The following EHBP1 variants were observed in gnomAD, a reference collection of about 807,000 sequenced individuals.
EHBP1 encodes the protein EH domain-binding protein 1.
In EHBP1, 55 loss-of-function variants were observed where a neutral mutation model predicts 144.0. The ratio of observed to expected loss-of-function variants is 0.38; its 90% confidence interval spans 0.31 to 0.48. The LOEUF (loss-of-function observed/expected upper bound fraction) is 0.48. Among genes scored for constraint, EHBP1 ranks in the 20% least tolerant of loss-of-function variants. The pLI, the probability that EHBP1 is intolerant of heterozygous loss-of-function variation, is 0.98. For synonymous variants in EHBP1, 469 were observed against 472.7 expected (o/e 0.99, Z 0.10); for missense variants, 1,200 against 1,364.2 (o/e 0.88, Z 1.90).
At chr2:62,945,686 G>C (rs2057021065) in intron 12 of EHBP1, among the ~76,000 whole-genome samples, 1 of 152,140 alleles carries the variant, frequency 6.6e-6, no homozygotes, top group African/African-American at 2.4e-5. Context: ...GGAGCCCGAG[G>C]CTGCAGTGAG....
chr2:62,738,148 T>A (rs2038339485), intron 2 of EHBP1, among the ~76,000 whole-genome samples: 1 of 152,176 alleles, frequency 6.6e-6, no homozygotes, highest in Non-Finnish European at 1.5e-5. Context: ...GTTCTTTTAC[T>A]ATTTTGATTG....
chr2:62,800,719 A>G (rs1181203950), intron 5 of EHBP1, among the ~76,000 whole-genome samples: 1 of 152,224 alleles, frequency 6.6e-6, no homozygotes. Flanking sequence ...AGAAATGACC[A>G]TATCCTGCCA....
At chr2:63,025,011 T>G (rs2060914611) in intron 19 of EHBP1, among the ~76,000 whole-genome samples, 1 of 151,536 alleles carries the variant, frequency 6.6e-6, no homozygotes, top group African/African-American at 2.4e-5. Flanking sequence ...AAAAAAAAAG[T>G]AGAATGCCAT....
intron 5 of EHBP1, among the ~76,000 whole-genome samples, chr2:62,786,960 C>T (rs183733817): frequency 1.2e-4 from 18 of 152,318 alleles, no homozygotes; most frequent in African/African-American, 3.4e-4. Context: ...ACTGAAAATA[C>T]GTTCTCACTT....
chr2:62,783,468 A>G lies in EHBP1; in HGVS notation c.312+12076A>G, dbSNP rs533342035. 2.0e-4 allele frequency among the ~76,000 whole-genome samples: 30 copies of G among 152,330 alleles called. 1 individual carries two copies. The highest frequency in any genetic ancestry group is 5.1e-4 in the African/African-American group (21 of 41,570). ...GGCTCTGCCCCTGCAGCAAACTTCT[A>G]TCTGGACATCCAGGCCTTTGTATAC... On this transcript the variant is annotated intron_variant, in intron 5 of 22. Transcript: ENST00000431489.
intron 7 of EHBP1, among the ~76,000 whole-genome samples, chr2:62,847,866 A>G (rs570103007): frequency 1.3e-5 from 2 of 152,258 alleles, no homozygotes; most frequent in East Asian, 3.9e-4. Flanking sequence ...GTTCACAAAG[A>G]TCTATCACTA....
At chr2:62,834,903 T>TG (rs1307751699) in intron 7 of EHBP1, among the ~76,000 whole-genome samples, 1 of 152,242 alleles carries the variant, frequency 6.6e-6, no homozygotes, top group East Asian at 1.9e-4. Context: ...ACAGGGTTCC[T>TG]GGAAGCAATC....
intron 10 of EHBP1, among the ~76,000 whole-genome samples, chr2:62,941,236 G>T (rs942098703): frequency 3.9e-5 from 6 of 152,026 alleles, no homozygotes; most frequent in Non-Finnish European, 8.8e-5. Flanking sequence ...GGATTTGAAG[G>T]TCACAGTGGA....
intron 9 of EHBP1, among the ~76,000 whole-genome samples, chr2:62,872,595 T>C (rs928281876): frequency 2.0e-5 from 3 of 152,150 alleles, no homozygotes; most frequent in African/African-American, 4.8e-5. Context: ...AAAAAATTGA[T>C]ATATGCTTCA....
intron 2 of EHBP1, among the ~76,000 whole-genome samples, chr2:62,710,145 G>C (rs1197871105): frequency 6.6e-6 from 1 of 152,020 alleles, no homozygotes; most frequent in Non-Finnish European, 1.5e-5. Flanking sequence ...ATCATCTGTA[G>C]GCTTTTAGAT....
intron 5 of EHBP1, among the ~76,000 whole-genome samples, chr2:62,814,710 C>G (rs2045312529): frequency 6.6e-6 from 1 of 152,176 alleles, no homozygotes; most frequent in Non-Finnish European, 1.5e-5. Flanking sequence ...AGCTTCTAAA[C>G]AGACAAAACA....
intron 10 of EHBP1, among the ~76,000 whole-genome samples, chr2:62,904,689 C>G (rs952523593): frequency 1.3e-5 from 2 of 152,224 alleles, no homozygotes; most frequent in African/African-American, 2.4e-5. Flanking sequence ...CAAGTTATAT[C>G]TCACTTGAGA....
intron 19 of EHBP1, among the ~76,000 whole-genome samples, chr2:62,997,428 A>ATGTGTGTGTG (rs70962800): frequency 2.9e-4 from 26 of 90,548 alleles, no homozygotes; most frequent in African/African-American, 1.1e-3. Flanking sequence ...AAAGGAACTC[A>ATGTGTGTGTG]TGTGTGTGTG....
intron 10 of EHBP1, among the ~76,000 whole-genome samples, chr2:62,910,937 T>C (rs903290852): frequency 6.6e-6 from 1 of 152,186 alleles, no homozygotes; most frequent in African/African-American, 2.4e-5. Context: ...AAATCAAAAC[T>C]CAGAAAGAAT....
At chr2:62,941,184 A>G (rs2056736734) in intron 10 of EHBP1, among the ~76,000 whole-genome samples, 1 of 152,168 alleles carries the variant, frequency 6.6e-6, no homozygotes, top group Non-Finnish European at 1.5e-5. Flanking sequence ...TAACTCATCC[A>G]TAAACCACTC....
intron 15 of EHBP1, among the ~76,000 whole-genome samples, chr2:62,982,486 T>C (rs1167965466): frequency 1.3e-5 from 2 of 152,154 alleles, no homozygotes; most frequent in African/African-American, 2.4e-5. Flanking sequence ...ACTTTCTAAG[T>C]AAAAATGACC....
rs10210251 is a variant in EHBP1 at position 62,831,010 on chromosome 2, T to C, written c.495-9T>C. 617 of 1,610,216 alleles carry C rather than the reference T, an allele frequency of 3.8e-4. 1 individual carries two copies. The Middle Eastern group carries it at 4.8e-3, about 13-fold the overall frequency. On this transcript the variant is annotated splice_polypyrimidine_tract_variant and intron_variant, in intron 6 of 22. Transcript: ENST00000431489. ...GTACAATGTGTTATATTTTGAATCATTGATGTAGAGATGAAGACATGCAAA... is the reference window on the plus strand; with the variant it reads ...GTACAATGTGTTATATTTTGAATCACTGATGTAGAGATGAAGACATGCAAA...
In EHBP1 at chr2:62,750,616, C is replaced by T. The variant is rs950468587; in HGVS notation, c.162+3164C>T. Among the ~76,000 whole-genome samples, 6 of 152,244 alleles carry T rather than the reference C, an allele frequency of 3.9e-5. No homozygotes were observed. The South Asian group carries it at 6.2e-4, about 16-fold the overall frequency. ...GATATTCATTATTCCTATCCATGAG[C>T]GTGGAATGTTCTTGCATTTGTTTGT... On this transcript the variant is annotated intron_variant, in intron 3 of 22. Coordinates refer to ENST00000431489, the MANE Select transcript of EHBP1 (RefSeq NM_001142616.3).
chr2:62,796,991 C>T (rs867250380), intron 5 of EHBP1, among the ~76,000 whole-genome samples: 1 of 152,084 alleles, frequency 6.6e-6, no homozygotes, highest in Non-Finnish European at 1.5e-5. Flanking sequence ...TTCCCTAGCT[C>T]CCGTGAAACT....
Sources: gnomAD v4.1 joint callset for allele counts (sites outside exome capture counted in the v4.1 genomes callset) on GRCh38, gnomAD v4.1.1 for gene constraint, MANE v1.5 for transcripts, NCBI Gene and HGNC (gene_info 2026-07-23, HGNC 2026-07-21) for gene names.